The following TMCC1 variants were observed in gnomAD, a reference collection of about 807,000 sequenced individuals.
TMCC1 encodes transmembrane and coiled-coil domain family 1.
TMCC1 carries 15 observed loss-of-function variants against 52.4 expected under a neutral mutation model. The observed-to-expected ratio is 0.29, with a 90% CI of 0.19 to 0.44. The LOEUF (loss-of-function observed/expected upper bound fraction) is 0.44. TMCC1 is among the 20% of genes least tolerant of loss of function. TMCC1 has a pLI of 1.00. For synonymous variants in TMCC1, 279 were observed against 301.9 expected, an observed-to-expected ratio of 0.92 and a Z score of 0.79; for missense variants, 503 against 806.0, an observed-to-expected ratio of 0.62 and a Z score of 4.55.
chr3:129,653,402 A>G (rs2086464554), intron 6 of TMCC1, among the ~76,000 whole-genome samples: 1 of 152,216 alleles, frequency 6.6e-6, no homozygotes, highest in African/African-American at 2.4e-5. Context: ...CTCTGTAAAG[A>G]GGACACTATG....
chr3:129,686,643 A>G (rs1026216091), intron 4 of TMCC1, among the ~76,000 whole-genome samples: 2 of 152,202 alleles, frequency 1.3e-5, no homozygotes, highest in African/African-American at 4.8e-5. Flanking sequence ...AGTGGTAGAG[A>G]GAGAAAAACC....
At chr3:129,654,266 A>C (rs2086535676) in intron 6 of TMCC1, among the ~76,000 whole-genome samples, 1 of 152,216 alleles carries the variant, frequency 6.6e-6, no homozygotes, top group South Asian at 2.1e-4. Context: ...TGTCCAGTCC[A>C]GAAGGATCTT....
intron 4 of TMCC1, among the ~76,000 whole-genome samples, chr3:129,743,249 T>A (rs1278958806): frequency 6.6e-6 from 1 of 152,172 alleles, no homozygotes; most frequent in Non-Finnish European, 1.5e-5. Flanking sequence ...CAGACGAGTC[T>A]CACTTGTCAG....
chr3:129,773,964 T>G (rs535906208), intron 4 of TMCC1, among the ~76,000 whole-genome samples: 1 of 152,154 alleles, frequency 6.6e-6, no homozygotes, highest in South Asian at 2.1e-4. Flanking sequence ...ATTTAAAAAA[T>G]TATTATATTG....
At chr3:129,834,076 A>C (rs950251611) in intron 2 of TMCC1, among the ~76,000 whole-genome samples, 9 of 152,250 alleles carry the variant, frequency 5.9e-5, no homozygotes, top group Admixed American at 3.3e-4. Flanking sequence ...GTGTGTAAGA[A>C]AGACTGCAAT....
chr3:129,835,431 T>A (rs1045812831), intron 2 of TMCC1, among the ~76,000 whole-genome samples: 4 of 152,000 alleles, frequency 2.6e-5, no homozygotes, highest in Admixed American at 1.3e-4. Context: ...TAGCAACCCA[T>A]CACCAAGGAG....
intron 4 of TMCC1, among the ~76,000 whole-genome samples, chr3:129,805,467 T>G (rs901431931): frequency 6.6e-6 from 1 of 152,122 alleles, no homozygotes; most frequent in African/African-American, 2.4e-5. Flanking sequence ...CTGGTCACAT[T>G]TAAAAGATTA....
chr3:129,660,558 G>T (rs1465501148), intron 5 of TMCC1, among the ~76,000 whole-genome samples: 6 of 152,046 alleles, frequency 3.9e-5, no homozygotes, highest in Non-Finnish European at 7.4e-5. Flanking sequence ...CACAGAAATG[G>T]GTTTACTGGG....
intron 4 of TMCC1, among the ~76,000 whole-genome samples, chr3:129,678,299 T>G (rs189553054): frequency 1.3e-5 from 2 of 151,678 alleles, no homozygotes; most frequent in Non-Finnish European, 2.9e-5. Flanking sequence ...CTAATACATA[T>G]AGTATACTTG....
At chr3:129,865,314 T>TC (rs1364732356) in intron 2 of TMCC1, among the ~76,000 whole-genome samples, 3 of 151,072 alleles carry the variant, frequency 2.0e-5, no homozygotes, top group Admixed American at 6.6e-5. Context: ...TGACACCACA[T>TC]CATTTTTTTT....
chr3:129,742,938 C>T (rs924092347), intron 4 of TMCC1, among the ~76,000 whole-genome samples: 10 of 152,136 alleles, frequency 6.6e-5, no homozygotes, highest in South Asian at 6.2e-4. Flanking sequence ...CCCCAAAGGA[C>T]GACATATTGT....
intron 2 of TMCC1, among the ~76,000 whole-genome samples, chr3:129,837,544 T>C (rs1019688166): frequency 4.6e-5 from 7 of 152,162 alleles, no homozygotes; most frequent in African/African-American, 1.7e-4. Context: ...TGCAGGAAAC[T>C]AGCAGTCTTC....
intron 3 of TMCC1, among the ~76,000 whole-genome samples, chr3:129,832,081 T>C (rs2058945627): frequency 1.3e-5 from 2 of 152,096 alleles, no homozygotes; most frequent in South Asian, 4.1e-4. Context: ...GGTCTCGAAC[T>C]CCTGACCTCA....
intron 4 of TMCC1, among the ~76,000 whole-genome samples, chr3:129,774,854 C>T (rs774066690): frequency 1.3e-5 from 2 of 151,992 alleles, no homozygotes; most frequent in Non-Finnish European, 2.9e-5. Flanking sequence ...AGAGCAGAGG[C>T]CAGGTCATAA....
intron 5 of TMCC1, among the ~76,000 whole-genome samples, chr3:129,659,576 T>C (rs1397943462): frequency 2.0e-5 from 3 of 152,130 alleles, no homozygotes; most frequent in Non-Finnish European, 4.4e-5. Context: ...GTGAGGAATA[T>C]ATATGAATCA....
intron 4 of TMCC1, among the ~76,000 whole-genome samples, chr3:129,798,972 T>C (rs1468552097): frequency 6.6e-6 from 1 of 152,226 alleles, no homozygotes; most frequent in Non-Finnish European, 1.5e-5. Flanking sequence ...TATTTTATTA[T>C]ATAAGAACAG....
intron 2 of TMCC1, among the ~76,000 whole-genome samples, chr3:129,872,799 A>G (rs189490935): frequency 7.9e-5 from 12 of 152,318 alleles, no homozygotes; most frequent in Admixed American, 7.8e-4. Context: ...TATATAAGAC[A>G]ATAAAATATT....
In TMCC1 at chr3:129,651,891, T is replaced by TTTATAAATATGCTGGA; in HGVS notation, c.1648-97_1648-96insTCCAGCATATTTATAA. On this transcript the variant is annotated intron_variant, in intron 6 of 6. Coordinates refer to ENST00000393238, the MANE Select transcript of TMCC1 (RefSeq NM_001017395.5). The surrounding 1 kb of genome is among the most constrained non-coding windows in gnomAD (Gnocchi z 5.1). ...GGCAAGCCAGATGCATCTTGAGCAATGCCAATGATTTTATAAATATGCTGG... is the reference window on the plus strand; with the variant it reads ...GGCAAGCCAGATGCATCTTGAGCAATTTATAAATATGCTGGAGCCAATGATTTTATAAATATGCTGG... 1 of 1,285,374 alleles carries TTTATAAATATGCTGGA rather than the reference T, an allele frequency of 7.8e-7. No individual in the cohort carries two copies. The highest frequency in any genetic ancestry group is 1.1e-6 in the Non-Finnish European group (1 of 949,368). The allele number at this position is 1,285,374 out of a possible 1,614,324, so 79.6% of individuals were successfully genotyped here.
At position 129,842,473 on chromosome 3, in the gene TMCC1, A is replaced by AG. The variant is rs540977557; in HGVS notation, c.-183-9648_-183-9647insC. 9.5e-3 allele frequency among the ~76,000 whole-genome samples: 1,247 copies of AG among 131,896 alleles called. 10 individuals are homozygous for AG. Among genetic ancestry groups the AG allele is most frequent in the Middle Eastern group, 0.028 (8 of 284 alleles). The allele number at this position is 131,896 out of a possible 152,430, so 86.5% of individuals were successfully genotyped here. A position where few individuals can be genotyped will look rare whatever the true frequency, so the allele number is the denominator to read the frequency against. The stretch of plus-strand genomic sequence containing the variant: ...ACAGCGAGACTTTGTCTAAAAAAAA[A>AG]CAAAACACACACACACACACACACA... On this transcript the variant is annotated intron_variant, in intron 2 of 6. Transcript: ENST00000393238.
Sources: allele counts gnomAD v4.1 joint callset (sites outside exome capture counted in the v4.1 genomes callset), GRCh38; gene constraint gnomAD v4.1.1; non-coding constraint Gnocchi (gnomAD v3.1); transcripts MANE v1.5; gene names NCBI Gene and HGNC (gene_info 2026-07-23, HGNC 2026-07-21).